The following GABRG3 variants were observed in gnomAD, a reference collection of about 807,000 sequenced individuals.
GABRG3 encodes the protein gamma-aminobutyric acid type A receptor subunit gamma3.
In GABRG3, 25 loss-of-function variants were observed where a neutral mutation model predicts 48.8. The observed-to-expected ratio is 0.51, with a 90% confidence interval of 0.37 to 0.72. The LOEUF (loss-of-function observed/expected upper bound fraction) is 0.72, where lower values mean the gene tolerates loss of function less well. Ranked by LOEUF, GABRG3 falls within the 30% of genes least tolerant of loss-of-function variation. GABRG3 has a pLI of 0.00. For missense variants in GABRG3, 394 were observed against 577.9 expected (o/e 0.68, Z 3.26); for synonymous variants, 227 against 217.6 (o/e 1.04, Z -0.38).
At chr15:27,287,737 CTT>C (rs61469529) in intron 3 of GABRG3, among the ~76,000 whole-genome samples, 9 of 123,274 alleles carry the variant, frequency 7.3e-5, no homozygotes, top group Non-Finnish European at 1.0e-4. Flanking sequence ...TTTGCTGTGT[CTT>C]TTTTTTTTTT....
intron 2 of GABRG3, among the ~76,000 whole-genome samples, chr15:27,004,369 T>C (rs1406407781): frequency 1.3e-5 from 2 of 149,438 alleles, no homozygotes; most frequent in Non-Finnish European, 3.0e-5. Context: ...GCAGAGACGC[T>C]CCTCACTTCC....
chr15:27,337,140 T>G lies in GABRG3; in HGVS notation c.574+8252T>G, dbSNP rs138604512. Among the ~76,000 whole-genome samples the G allele has an allele frequency of 9.1e-4, 139 of 152,358 alleles. No individual in the cohort carries two copies. In the East Asian group the frequency reaches 0.022, roughly 24 times the overall value. ...CTCTGTTCTGCTTCTCTTTCAAACT[T>G]GCAGACACTTTCCTCTTATTCCCTG... is the stretch of plus-strand genomic sequence containing the variant. On this transcript the variant is annotated intron_variant, in intron 5 of 9. Coordinates refer to ENST00000615808, the MANE Select transcript of GABRG3 (RefSeq NM_033223.5).
intron 2 of GABRG3, among the ~76,000 whole-genome samples, chr15:27,021,668 C>CT (rs1895898170): frequency 6.6e-6 from 1 of 152,046 alleles, no homozygotes; most frequent in South Asian, 2.1e-4. Flanking sequence ...TAGCGAGACT[C>CT]TATTTCTACA....
chr15:27,348,155 C>CAAAAAAAAAAAAAAAAAA lies in GABRG3; in HGVS notation c.574+19270_574+19271insAAAAAAAAAAAAAAAAAA, dbSNP rs535295684. The stretch of plus-strand genomic sequence containing the variant: ...TGGGTGACAGAGCGAGACTCCATCT[C>CAAAAAAAAAAAAAAAAAA]AAATAAATAAAGAGTTGGAGATTTT... On this transcript the variant is annotated intron_variant, in intron 5 of 9. Transcript: ENST00000615808. Among the ~76,000 whole-genome samples the CAAAAAAAAAAAAAAAAAA allele has an allele frequency of 3.2e-3, 324 of 102,774 alleles. 32 individuals are homozygous for CAAAAAAAAAAAAAAAAAA. The highest frequency in any genetic ancestry group is 0.012 in the Middle Eastern group (2 of 172). 67.4% of individuals were successfully genotyped at this position (102,774 alleles called of 152,430 possible).
chr15:27,116,443 G>T (rs966308691), intron 3 of GABRG3, among the ~76,000 whole-genome samples: 1 of 151,980 alleles, frequency 6.6e-6, no homozygotes, highest in Admixed American at 6.6e-5. Context: ...AAAAACACTA[G>T]AAACATCCAC....
chr15:27,508,456 T>C (rs1248113520), intron 6 of GABRG3, among the ~76,000 whole-genome samples: 1 of 152,186 alleles, frequency 6.6e-6, no homozygotes, highest in African/African-American at 2.4e-5. Flanking sequence ...TACATTTCAT[T>C]TTTTCTTATG....
chr15:27,431,156 A>C (rs1008231189), intron 5 of GABRG3, among the ~76,000 whole-genome samples: 2 of 152,054 alleles, frequency 1.3e-5, no homozygotes, highest in South Asian at 4.1e-4. Context: ...AAGATTTGAA[A>C]TTGGGATGTT....
intron 3 of GABRG3, among the ~76,000 whole-genome samples, chr15:27,105,930 A>G (rs557408835): frequency 5.3e-5 from 8 of 152,240 alleles, no homozygotes; most frequent in African/African-American, 1.9e-4. Flanking sequence ...TATACAATGC[A>G]ATATTATTCA....
chr15:27,522,449 G>T (rs559478661), intron 7 of GABRG3, among the ~76,000 whole-genome samples: 2 of 151,724 alleles, frequency 1.3e-5, no homozygotes, highest in South Asian at 4.1e-4. Context: ...AAAAAAACTA[G>T]TTTTCTATTT....
chr15:27,159,671 A>G (rs1898528645), intron 3 of GABRG3, among the ~76,000 whole-genome samples: 2 of 151,768 alleles, frequency 1.3e-5, no homozygotes, highest in Non-Finnish European at 1.5e-5. Flanking sequence ...CACTCTACCC[A>G]TTTTCCCCTT....
chr15:27,017,585 A>G (rs1224456831), intron 2 of GABRG3, among the ~76,000 whole-genome samples: 1 of 152,000 alleles, frequency 6.6e-6, no homozygotes, highest in African/African-American at 2.4e-5. Flanking sequence ...CGGAATGTTG[A>G]AAATATCCTA....
intron 3 of GABRG3, among the ~76,000 whole-genome samples, chr15:27,125,174 C>A (rs948786291): frequency 6.6e-6 from 1 of 152,084 alleles, no homozygotes; most frequent in Non-Finnish European, 1.5e-5. Flanking sequence ...TGAAATGTAT[C>A]GCTGTTTTTT....
chr15:27,507,917 T>C (rs1890800247), intron 6 of GABRG3, among the ~76,000 whole-genome samples: 1 of 152,240 alleles, frequency 6.6e-6, no homozygotes, highest in Admixed American at 6.5e-5. Flanking sequence ...AACATTCCTT[T>C]TTATTCCTAA....
intron 3 of GABRG3, among the ~76,000 whole-genome samples, chr15:27,032,505 C>T (rs1896103084): frequency 6.6e-6 from 1 of 152,184 alleles, no homozygotes; most frequent in Non-Finnish European, 1.5e-5. Flanking sequence ...TGATGAGAGC[C>T]TCAGGAAGCT....
Position 27,231,009 on chromosome 15 carries a change from A to ATGTGTGTG in GABRG3, c.271-95767_271-95760dup, listed in dbSNP as rs3068361. Among the ~76,000 whole-genome samples, 1,148 of 143,490 alleles carry ATGTGTGTG rather than the reference A, an allele frequency of 8.0e-3. 16 individuals carry two copies. The highest frequency in any genetic ancestry group is 0.028 in the African/African-American group (1,080 of 39,080). The allele number at this position is 143,490 out of a possible 152,430, so 94.1% of individuals were successfully genotyped here. On this transcript the variant is annotated intron_variant, in intron 3 of 9. Coordinates refer to ENST00000615808, the MANE Select transcript of GABRG3 (RefSeq NM_033223.5). ...GTTGAGCCAAGTTTAAAACAGTAAA[A>ATGTGTGTG]TGTGTGTGTGTGTGTGTGTGTGTGT...
At chr15:27,056,951 A>G (rs1200297386) in intron 3 of GABRG3, among the ~76,000 whole-genome samples, 2 of 151,900 alleles carry the variant, frequency 1.3e-5, no homozygotes, top group African/African-American at 4.8e-5. Context: ...AATGAAAAAT[A>G]TTGTCCCTGT....
chr15:27,212,797 C>T (rs574850573), intron 3 of GABRG3, among the ~76,000 whole-genome samples: 19 of 152,304 alleles, frequency 1.2e-4, no homozygotes, highest in African/African-American at 4.6e-4. Context: ...ATTCTGGGGT[C>T]ATTCTAGGGA....
intron 3 of GABRG3, among the ~76,000 whole-genome samples, chr15:27,206,474 A>G (rs898573239): frequency 1.3e-5 from 2 of 152,156 alleles, no homozygotes; most frequent in Non-Finnish European, 2.9e-5. Flanking sequence ...TGGGCTTAGC[A>G]TATGGTAAAT....
At chr15:27,201,396 CAG>C (rs144671063) in intron 3 of GABRG3, among the ~76,000 whole-genome samples, 14 of 145,686 alleles carry the variant, frequency 9.6e-5, no homozygotes, top group Admixed American at 2.8e-4. Flanking sequence ...GAGAGAACCA[CAG>C]AGAGAGAGAG....
Sources: allele counts gnomAD v4.1 joint callset (sites outside exome capture counted in the v4.1 genomes callset), GRCh38; gene constraint gnomAD v4.1.1; transcripts MANE v1.5; gene names NCBI Gene and HGNC (gene_info 2026-07-23, HGNC 2026-07-21).